The following HMGB1 variants were observed in gnomAD, a reference collection of about 807,000 sequenced individuals.
The protein encoded by HMGB1 is high mobility group box 1, also known as high mobility group protein B1.
For missense variants in HMGB1, 79 were observed against 253.5 expected, an observed-to-expected ratio of 0.31 and a Z score of 4.67; for synonymous variants, 81 against 84.0, an observed-to-expected ratio of 0.96 and a Z score of 0.19.
intron 1 of HMGB1, chr13:30,464,231 C>T: frequency 1.0e-5 from 10 of 985,506 alleles, no homozygotes; most frequent in Non-Finnish European, 1.2e-5. Context: ...CAGCAGCCAG[C>T]TCCGGTGCTC....
At chr13:30,484,241 C>A (rs1388536919) in intron 1 of HMGB1, among the ~76,000 whole-genome samples, 2 of 152,174 alleles carry the variant, frequency 1.3e-5, no homozygotes, top group East Asian at 3.9e-4. Flanking sequence ...GCGTCTGTGA[C>A]CTTCACCTCT....
chr13:30,475,158 T>G (rs2137424942), intron 1 of HMGB1, among the ~76,000 whole-genome samples: 1 of 130,964 alleles, frequency 7.6e-6, no homozygotes, highest in Non-Finnish European at 1.6e-5. Context: ...TTTTTTTTTT[T>G]TGAGACAGGG....
chr13:30,481,623 TG>T (rs1340867952), intron 1 of HMGB1, among the ~76,000 whole-genome samples: 1 of 152,178 alleles, frequency 6.6e-6, no homozygotes, highest in Non-Finnish European at 1.5e-5. Flanking sequence ...GCTCCCCCGG[TG>T]GGGCAAAATC....
At chr13:30,595,637 A>G (rs950333876) in intron 1 of HMGB1, among the ~76,000 whole-genome samples, 26 of 152,320 alleles carry the variant, frequency 1.7e-4, no homozygotes, top group African/African-American at 6.0e-4. Context: ...GATCTGGCTC[A>G]GCTGTAGACA....
At position 30,463,303 on chromosome 13, in the gene HMGB1, T is replaced by C; in HGVS notation, c.200A>G (p.Asp67Gly). ...CATTTCTCTTTCATAACGGGCCTTG[T>C]CCGCTTTTGCCATATCTTCAAATTT... ...KGKFEDMAKA[D>G]KARYEREMKT... Residue 67 changes from aspartate (D) to glycine (G), a missense_variant, in exon 3 of 5, where the codon GAC (aspartate) becomes GGC (glycine). Asp to Gly is a moderately conservative substitution (Grantham distance 94). Transcript: ENST00000341423. 1 of 1,609,660 alleles carries C rather than the reference T, an allele frequency of 6.2e-7. No individual in the cohort carries two copies. The highest frequency in any genetic ancestry group is 8.5e-7 in the Non-Finnish European group (1 of 1,179,226).
chr13:30,589,442 T>C (rs577762414), intron 1 of HMGB1, among the ~76,000 whole-genome samples: 3 of 152,244 alleles, frequency 2.0e-5, no homozygotes, highest in Non-Finnish European at 2.9e-5. Flanking sequence ...ATTTCTACTA[T>C]ATTTAGAGTG....
intron 1 of HMGB1, among the ~76,000 whole-genome samples, chr13:30,596,125 C>A (rs1299959841): frequency 6.6e-6 from 1 of 152,064 alleles, no homozygotes; most frequent in Non-Finnish European, 1.5e-5. Flanking sequence ...TGGGGTGTAA[C>A]CTTTTTAATT....
intron 1 of HMGB1, among the ~76,000 whole-genome samples, chr13:30,517,947 C>A (rs1888136796): frequency 6.6e-6 from 1 of 152,230 alleles, no homozygotes; most frequent in African/African-American, 2.4e-5. Flanking sequence ...TTTGCTTTGA[C>A]TTCCATCGAG....
intron 1 of HMGB1, among the ~76,000 whole-genome samples, chr13:30,613,771 C>T (rs1287382300): frequency 6.6e-6 from 1 of 151,928 alleles, no homozygotes; most frequent in Non-Finnish European, 1.5e-5. Flanking sequence ...GCATGGAGAA[C>T]ACATAAGTCA....
intron 1 of HMGB1, among the ~76,000 whole-genome samples, chr13:30,537,700 A>AG (rs1179603400): frequency 3.8e-3 from 407 of 107,000 alleles, no homozygotes; most frequent in Middle Eastern, 5.7e-3. Flanking sequence ...TATATATAAA[A>AG]TTGATGTATC....
At chr13:30,538,652 T>TTTCTTTCTTTCCA (rs1868659576) in intron 1 of HMGB1, among the ~76,000 whole-genome samples, 1 of 71,858 alleles carries the variant, frequency 1.4e-5, no homozygotes, top group African/African-American at 7.0e-5. Context: ...CCTTTCTTTC[T>TTTCTTTCTTTCCA]TTCTTTCTTT....
chr13:30,524,352 A>G (rs1593290168), intron 1 of HMGB1, among the ~76,000 whole-genome samples: 2 of 62,244 alleles, frequency 3.2e-5, no homozygotes, highest in African/African-American at 1.1e-4. Flanking sequence ...AAAAAAAAAA[A>G]AAAAAGAAAA....
At chr13:30,532,165 G>A (rs1183443594) in intron 1 of HMGB1, among the ~76,000 whole-genome samples, 1 of 151,326 alleles carries the variant, frequency 6.6e-6, no homozygotes. Flanking sequence ...GGTGAAACCC[G>A]TCTCTACTAA....
intron 1 of HMGB1, among the ~76,000 whole-genome samples, chr13:30,608,989 C>G (rs990253739): frequency 6.6e-6 from 1 of 152,138 alleles, no homozygotes; most frequent in Non-Finnish European, 1.5e-5. Context: ...AGGCCGGGCG[C>G]GGCGGCTCAC....
At chr13:30,472,781 G>A (rs979884957) in intron 1 of HMGB1, among the ~76,000 whole-genome samples, 2 of 151,662 alleles carry the variant, frequency 1.3e-5, no homozygotes, top group African/African-American at 4.8e-5. Flanking sequence ...GAGAGGAAAC[G>A]CTAACCCAAA....
chr13:30,536,237 T>A (rs1335999320), intron 1 of HMGB1, among the ~76,000 whole-genome samples: 1 of 152,360 alleles, frequency 6.6e-6, no homozygotes, highest in African/African-American at 2.4e-5. Flanking sequence ...AAACAACATA[T>A]ATGCATAGTA....
chr13:30,481,045 G>A (rs747655102), intron 1 of HMGB1, among the ~76,000 whole-genome samples: 23 of 136,760 alleles, frequency 1.7e-4, no homozygotes, highest in African/African-American at 5.0e-4. Context: ...TCTTGTGTGT[G>A]TTTTTTTTTC....
chr13:30,591,574 A>G (rs1349939205), intron 1 of HMGB1, among the ~76,000 whole-genome samples: 1 of 150,016 alleles, frequency 6.7e-6, no homozygotes. Context: ...GCAGTGGCAC[A>G]ATCTTGGCTC....
At chr13:30,546,754 G>C (rs936484026) in intron 1 of HMGB1, among the ~76,000 whole-genome samples, 6 of 152,060 alleles carry the variant, frequency 3.9e-5, no homozygotes, top group African/African-American at 1.4e-4. Flanking sequence ...CAAAGTGCTG[G>C]GATTACAGGC....
Sources: allele counts gnomAD v4.1 joint callset (sites outside exome capture counted in the v4.1 genomes callset), GRCh38; gene constraint gnomAD v4.1.1; transcripts MANE v1.5; gene names NCBI Gene and HGNC (gene_info 2026-07-23, HGNC 2026-07-21).